Variants in ITSN2 observed in about 807,000 individuals in gnomAD.
The protein encoded by ITSN2 is intersectin 2, also known as intersectin-2.
A neutral mutation model predicts 243.7 loss-of-function variants in ITSN2; 156 were observed. That is an observed-to-expected ratio of 0.64 (90% CI 0.56 to 0.73). ITSN2 has a LOEUF of 0.73. ITSN2 is among the 30% of genes least tolerant of loss of function. The pLI is 0.00. For synonymous variants in ITSN2, 703 were observed against 699.9 expected (o/e 1.00, Z -0.07); for missense variants, 1,801 against 1,996.1 (o/e 0.90, Z 1.86).
intron 29 of ITSN2, among the ~76,000 whole-genome samples, chr2:24,236,976 A>AT (rs1672236531): frequency 6.6e-6 from 1 of 151,756 alleles, no homozygotes; most frequent in African/African-American, 2.4e-5. Context: ...GATTACAGGC[A>AT]TGAGCCACCA....
At chr2:24,334,637 A>G in intron 1 of ITSN2, 6 of 1,290,636 alleles carry the variant, frequency 4.6e-6, no homozygotes, top group Non-Finnish European at 6.6e-6. Flanking sequence ...GGTGTTATAC[A>G]GGAAGCAGAG....
intron 1 of ITSN2, among the ~76,000 whole-genome samples, chr2:24,358,000 C>G (rs931764221): frequency 2.0e-5 from 3 of 152,110 alleles, no homozygotes; most frequent in African/African-American, 7.2e-5. Context: ...CTGCAACCTC[C>G]GCCTCCCGGG....
At chr2:24,279,469 A>G (rs1006838019) in intron 17 of ITSN2, among the ~76,000 whole-genome samples, 9 of 152,242 alleles carry the variant, frequency 5.9e-5, no homozygotes, top group African/African-American at 2.2e-4. Flanking sequence ...ACAAATAACA[A>G]AAATATTTGT....
At chr2:24,304,688 T>C (rs1454399048) in intron 8 of ITSN2, among the ~76,000 whole-genome samples, 1 of 152,198 alleles carries the variant, frequency 6.6e-6, no homozygotes, top group Non-Finnish European at 1.5e-5. Flanking sequence ...AAAACTACTA[T>C]TTCAGCTTTT....
intron 1 of ITSN2, among the ~76,000 whole-genome samples, chr2:24,350,567 G>A (rs1045975229): frequency 3.3e-5 from 5 of 152,112 alleles, no homozygotes; most frequent in African/African-American, 9.7e-5. Flanking sequence ...AGAAGCAACC[G>A]AGTGGAAGCA....
At position 24,299,431 on chromosome 2, in the gene ITSN2, G is replaced by C. The variant is rs540019926; in HGVS notation, c.1344+478C>G. 2.0e-5 allele frequency among the ~76,000 whole-genome samples: 3 copies of C among 152,202 alleles called. No individual in the cohort carries two copies. The East Asian group carries it at 5.8e-4, about 29-fold the overall frequency. On this transcript the variant is annotated intron_variant, in intron 12 of 39. Transcript: ENST00000355123. ...TCCCTGGCCCTTTAAAACACAGCCA[G>C]TCCTCCTAAGGACCCTTCTTTCCCA...
At chr2:24,221,275 C>G (rs1670427265) in intron 29 of ITSN2, 1 of 532,240 alleles carries the variant, frequency 1.9e-6, no homozygotes, top group Admixed American at 3.8e-5. Flanking sequence ...AGTGGCAAAT[C>G]AGCAATGTCT....
intron 37 of ITSN2, 88 bp downstream of exon 37, chr2:24,208,129 TCTGGTCTTTCAGACCCGTCC>T (rs932826728): frequency 4.1e-5 from 39 of 942,600 alleles, no homozygotes; most frequent in Non-Finnish European, 6.4e-5. Flanking sequence ...CCGCAGCAGG[TCTGGTCTTTCAGACCCGTCC>T]CTATATCATC....
intron 17 of ITSN2, among the ~76,000 whole-genome samples, chr2:24,278,601 G>GA (rs998433432): frequency 7.2e-6 from 1 of 139,254 alleles, no homozygotes; most frequent in African/African-American, 2.6e-5. Context: ...AGTTAAGCAA[G>GA]AAAAAAATAA....
intron 7 of ITSN2, among the ~76,000 whole-genome samples, chr2:24,309,238 C>CCTGGA (rs1393548408): frequency 6.6e-6 from 1 of 152,186 alleles, no homozygotes; most frequent in African/African-American, 2.4e-5. Context: ...CTGTTGCCAG[C>CCTGGA]CTGGAGTGCA....
chr2:24,329,697 C>A (rs551828453), intron 1 of ITSN2, among the ~76,000 whole-genome samples: 1 of 152,012 alleles, frequency 6.6e-6, no homozygotes, highest in Non-Finnish European at 1.5e-5. Flanking sequence ...AAGATCATGC[C>A]GTATCTCATC....
At chr2:24,361,318 C>G (rs1219766750), upstream of ITSN2, among the ~76,000 whole-genome samples, 1 of 152,126 alleles carries the variant, frequency 6.6e-6, no homozygotes, top group Non-Finnish European at 1.5e-5. Flanking sequence ...CACAAAAGAC[C>G]AGACTTCAAC....
intron 5 of ITSN2, 74 bp downstream of exon 5, chr2:24,312,138 T>C (rs541161000): frequency 1.6e-6 from 2 of 1,248,832 alleles, no homozygotes; most frequent in African/African-American, 3.1e-5. Context: ...AACAAATCCT[T>C]TTCTAATACT....
rs1049947980 is a variant in ITSN2 at position 24,209,907 on chromosome 2, TAAGAAGCAGGA to T, written c.4373_4383del (p.Phe1458TyrfsTer14). The T allele has an allele frequency of 2.7e-5, 44 of 1,614,078 alleles. No homozygotes were observed. Among genetic ancestry groups the T allele is most frequent in the Non-Finnish European group, 3.7e-5 (44 of 1,180,022 alleles). The stretch of plus-strand genomic sequence containing the variant: ...ACAGCAAACTGCTTGACCATGTAGG[TAAGAAGCAGGA>T]AGTCATTGAAGAGGAATCCGTGCAG... On this transcript the variant is annotated frameshift_variant, in exon 35 of 40. Coordinates refer to ENST00000355123, the MANE Select transcript of ITSN2 (RefSeq NM_006277.3). LOFTEE classifies it high-confidence loss of function.
chr2:24,204,547 G>T lies in ITSN2; in HGVS notation c.4763-129C>A. Reference sequence around the variant, plus strand: ...CGAGACCATGGCAGCAGGAGCCGCTGCCTGGGGCACCATATCCCTGTGGTC... The same window carrying T: ...CGAGACCATGGCAGCAGGAGCCGCTTCCTGGGGCACCATATCCCTGTGGTC... On this transcript the variant is annotated intron_variant, in intron 38 of 39. Transcript: ENST00000355123. The surrounding 1 kb of genome is among the most constrained non-coding windows in gnomAD (Gnocchi z 5.1). 1.2e-6 allele frequency: 1 copy of T among 817,082 alleles called. No homozygotes were observed. 50.6% of individuals were successfully genotyped at this position (817,082 alleles called of 1,614,324 possible).
chr2:24,339,972 G>T (rs1686864010), intron 1 of ITSN2, among the ~76,000 whole-genome samples: 1 of 151,994 alleles, frequency 6.6e-6, no homozygotes, highest in Non-Finnish European at 1.5e-5. Flanking sequence ...GGAGTTCAAG[G>T]TTACAATGAG....
At chr2:24,213,157 C>T (rs1669657066) in intron 32 of ITSN2, among the ~76,000 whole-genome samples, 1 of 152,152 alleles carries the variant, frequency 6.6e-6, no homozygotes. Context: ...CTGATTCACA[C>T]TTGACCCTCA....
intron 7 of ITSN2, among the ~76,000 whole-genome samples, chr2:24,309,970 T>C (rs1683052249): frequency 6.6e-6 from 1 of 152,172 alleles, no homozygotes; most frequent in Admixed American, 6.5e-5. Context: ...ACAATGAGTA[T>C]GAGACATCTT....
At chr2:24,255,245 T>TA (rs1371956524) in intron 23 of ITSN2, among the ~76,000 whole-genome samples, 1 of 152,254 alleles carries the variant, frequency 6.6e-6, no homozygotes, top group Non-Finnish European at 1.5e-5. Context: ...ACAATTTCTA[T>TA]AAAGGAATTG....
Sources: allele counts gnomAD v4.1 joint callset (sites outside exome capture counted in the v4.1 genomes callset), GRCh38; gene constraint gnomAD v4.1.1; non-coding constraint Gnocchi (gnomAD v3.1); transcripts MANE v1.5; gene names NCBI Gene and HGNC (gene_info 2026-07-23, HGNC 2026-07-21).